B3GALT1: variants seen among roughly 807,000 people sequenced by gnomAD.
B3GALT1 encodes the protein beta-1,3-galactosyltransferase 1, also known as UDP-Gal:betaGlcNAc beta 1,3-galactosyltransferase, polypeptide 1.
A neutral mutation model predicts 23.2 loss-of-function variants in B3GALT1; 10 were observed. The observed-to-expected ratio is 0.43, with a 90% CI of 0.27 to 0.73. The LOEUF is 0.73. Ranked by LOEUF, B3GALT1 falls within the 30% of genes least tolerant of loss-of-function variation. B3GALT1 has a pLI of 0.21. For missense variants in B3GALT1, 299 were observed against 405.4 expected (o/e 0.74, Z 2.25); for synonymous variants, 156 against 141.5 (o/e 1.10, Z -0.73).
At chr2:167,863,990 A>ATGTATGTG (rs1553497847) in intron 4 of B3GALT1, among the ~76,000 whole-genome samples, 82 of 143,728 alleles carry the variant, frequency 5.7e-4, no homozygotes, top group Non-Finnish European at 9.9e-4. Flanking sequence ...GCATGTATGT[A>ATGTATGTG]TGTGTGTGTG....
rs1476523507 is a variant in B3GALT1 at position 167,646,911 on chromosome 2, C to A, written c.-407C>A. Among the ~76,000 whole-genome samples the A allele has an allele frequency of 6.6e-6, 1 of 152,050 alleles. No homozygotes were observed. The highest frequency in any genetic ancestry group is 1.5e-5 in the Non-Finnish European group (1 of 68,020). ...TTTTTTTTCTTCTCTTGAAAAAGTT[C>A]TCTTGCTGTGCTGCTGGGTCCTCAG... On this transcript the variant is annotated splice_region_variant and 5_prime_UTR_variant, in exon 3 of 5. Coordinates refer to ENST00000392690, the MANE Select transcript of B3GALT1 (RefSeq NM_020981.4).
chr2:167,410,144 G>A lies in B3GALT1; in HGVS notation c.-510-80033G>A, dbSNP rs182241584. Among the ~76,000 whole-genome samples, 13 of 152,164 alleles carry A rather than the reference G, an allele frequency of 8.5e-5. No homozygotes were observed. In the East Asian group the frequency reaches 2.5e-3, roughly 30 times the overall value. The stretch of plus-strand genomic sequence containing the variant: ...CTTTGCAGGGACATGGATGAACCTG[G>A]AAACCATCATTCTCAGCAAACTAAC... On this transcript the variant is annotated intron_variant, in intron 1 of 4. Coordinates refer to ENST00000392690, the MANE Select transcript of B3GALT1 (RefSeq NM_020981.4).
At chr2:167,408,900 G>A (rs1559087725) in intron 1 of B3GALT1, among the ~76,000 whole-genome samples, 1 of 151,700 alleles carries the variant, frequency 6.6e-6, no homozygotes, top group Non-Finnish European at 1.5e-5. Flanking sequence ...GATATTGCAT[G>A]TTCATGGGTT....
At chr2:167,365,011 A>G (rs977803086) in intron 1 of B3GALT1, among the ~76,000 whole-genome samples, 1 of 152,226 alleles carries the variant, frequency 6.6e-6, no homozygotes. Context: ...TGTTTGAAAT[A>G]TAACAGCAAG....
chr2:167,503,162 A>G lies in B3GALT1; in HGVS notation c.-410+12885A>G, dbSNP rs550404411. Among the ~76,000 whole-genome samples the G allele has an allele frequency of 9.8e-5, 15 of 152,328 alleles. No individual in the cohort carries two copies. In the East Asian group the frequency reaches 2.5e-3, roughly 25 times the overall value. ...CTATTTCATGATACTTTTAAAGTTA[A>G]GATTATTGACACACTGAAACATCTT... On this transcript the variant is annotated intron_variant, in intron 2 of 4. Coordinates refer to ENST00000392690, the MANE Select transcript of B3GALT1 (RefSeq NM_020981.4).
intron 3 of B3GALT1, among the ~76,000 whole-genome samples, chr2:167,651,643 A>G (rs73015482): frequency 0.018 from 2,697 of 152,224 alleles, 104 homozygotes; most frequent in African/African-American, 0.062. Flanking sequence ...TGAGTACACA[A>G]TGTTTAACAA....
At chr2:167,807,383 T>A (rs1688777521) in intron 3 of B3GALT1, among the ~76,000 whole-genome samples, 1 of 152,238 alleles carries the variant, frequency 6.6e-6, no homozygotes, top group Non-Finnish European at 1.5e-5. Context: ...CTCTTGCTTC[T>A]CTAGTTCTTT....
intron 1 of B3GALT1, among the ~76,000 whole-genome samples, chr2:167,304,648 GGA>G (rs144146057): frequency 0.034 from 5,163 of 151,584 alleles, 241 homozygotes; most frequent in African/African-American, 0.11. Flanking sequence ...GACAGAGAGA[GGA>G]GAGAGAGAGA....
chr2:167,589,919 G>A (rs1684645649), intron 2 of B3GALT1, among the ~76,000 whole-genome samples: 1 of 152,034 alleles, frequency 6.6e-6, no homozygotes, highest in African/African-American at 2.4e-5. Context: ...GGGCTTTCAG[G>A]TACACATTTT....
chr2:167,692,237 A>G (rs1432310426), intron 3 of B3GALT1, among the ~76,000 whole-genome samples: 1 of 152,158 alleles, frequency 6.6e-6, no homozygotes, highest in Non-Finnish European at 1.5e-5. Context: ...CATATAATCC[A>G]AAATTAAGGC....
chr2:167,650,608 T>C (rs1466411045), intron 3 of B3GALT1, among the ~76,000 whole-genome samples: 1 of 152,046 alleles, frequency 6.6e-6, no homozygotes, highest in Non-Finnish European at 1.5e-5. Flanking sequence ...TTAACTCTTC[T>C]TTAAGTGTTT....
At chr2:167,393,828 C>G (rs932006775) in intron 1 of B3GALT1, among the ~76,000 whole-genome samples, 2 of 152,162 alleles carry the variant, frequency 1.3e-5, no homozygotes, top group African/African-American at 2.4e-5. Context: ...TTTTAAAGCC[C>G]TTATCCACTT....
chr2:167,315,506 G>C (rs1696702267), intron 1 of B3GALT1, among the ~76,000 whole-genome samples: 1 of 151,924 alleles, frequency 6.6e-6, no homozygotes. Flanking sequence ...TGCTTTTCAG[G>C]GCTGGCAGGG....
intron 1 of B3GALT1, among the ~76,000 whole-genome samples, chr2:167,363,832 T>A (rs1697540058): frequency 6.6e-6 from 1 of 152,094 alleles, no homozygotes; most frequent in South Asian, 2.1e-4. Context: ...AATGAGAGAA[T>A]AAACACTGAA....
chr2:167,780,277 C>G (rs151264491), intron 3 of B3GALT1, among the ~76,000 whole-genome samples: 9 of 152,126 alleles, frequency 5.9e-5, no homozygotes, highest in Non-Finnish European at 1.0e-4. Flanking sequence ...AGCTTCCAAG[C>G]TGGTATGCTG....
rs1299720397 is a variant in B3GALT1, at chr2:167,474,380, TTCTA to T, written c.-510-15793_-510-15790del. ...TCTATCCTTTCCCTTGTGTTTTACC[TTCTA>T]TCTCTTTCACAAATAAAGTGTAGCA... is the stretch of plus-strand genomic sequence containing the variant. On this transcript the variant is annotated intron_variant, in intron 1 of 4. Coordinates refer to ENST00000392690, the MANE Select transcript of B3GALT1 (RefSeq NM_020981.4). 2.0e-5 allele frequency among the ~76,000 whole-genome samples: 3 copies of T among 152,186 alleles called. No individual in the cohort carries two copies. In the East Asian group the frequency reaches 5.8e-4, roughly 29 times the overall value.
intron 1 of B3GALT1, among the ~76,000 whole-genome samples, chr2:167,423,013 A>G (rs1176697294): frequency 6.6e-6 from 1 of 152,200 alleles, no homozygotes; most frequent in Non-Finnish European, 1.5e-5. Flanking sequence ...ATTCCCAGCA[A>G]AGGAATATGA....
At chr2:167,507,094 G>A (rs2105351463) in intron 2 of B3GALT1, among the ~76,000 whole-genome samples, 1 of 152,154 alleles carries the variant, frequency 6.6e-6, no homozygotes, top group South Asian at 2.1e-4. Context: ...ATAATAGAAA[G>A]TTTGCCAAAT....
intron 1 of B3GALT1, among the ~76,000 whole-genome samples, chr2:167,475,625 G>A (rs1292606698): frequency 6.6e-6 from 1 of 152,132 alleles, no homozygotes; most frequent in Non-Finnish European, 1.5e-5. Context: ...AGATGGAAAA[G>A]GCATTAAGTG....
Sources: allele counts gnomAD v4.1 joint callset (sites outside exome capture counted in the v4.1 genomes callset), GRCh38; gene constraint gnomAD v4.1.1; transcripts MANE v1.5; gene names NCBI Gene and HGNC (gene_info 2026-07-23, HGNC 2026-07-21).